Variants in PAAF1 observed in about 807,000 individuals in gnomAD.
PAAF1 encodes proteasomal ATPase-associated factor 1.
In PAAF1, 46 loss-of-function variants were observed where a neutral mutation model predicts 52.8. The ratio of observed to expected loss-of-function variants is 0.87; its 90% CI spans 0.69 to 1.11. PAAF1 has a LOEUF of 1.11. PAAF1 is among the 50% of genes most tolerant of loss of function. The pLI, the probability that PAAF1 is intolerant of heterozygous loss-of-function variation, is 0.00. For missense variants in PAAF1, 424 were observed against 477.4 expected (o/e 0.89, Z 1.04); for synonymous variants, 178 against 172.8 (o/e 1.03, Z -0.24).
At chr11:73,876,860 T>A, upstream of PAAF1, 1 of 698,432 alleles carries the variant, frequency 1.4e-6, no homozygotes. Flanking sequence ...AACCAGCCCC[T>A]CGTGGGGAGC....
intron 6 of PAAF1, among the ~76,000 whole-genome samples, chr11:73,901,677 A>G (rs1423682347): frequency 6.6e-6 from 1 of 151,334 alleles, no homozygotes; most frequent in East Asian, 1.9e-4. Flanking sequence ...ATCTCAGCTC[A>G]GTGTAACCTC....
intron 6 of PAAF1, among the ~76,000 whole-genome samples, chr11:73,908,287 A>G (rs182787431): frequency 4.6e-5 from 6 of 129,998 alleles, no homozygotes; most frequent in East Asian, 2.0e-4. Flanking sequence ...GTATATATGT[A>G]TATATATGTG....
intron 1 of PAAF1, among the ~76,000 whole-genome samples, chr11:73,877,613 C>T (rs1437566979): frequency 1.3e-5 from 2 of 152,180 alleles, no homozygotes; most frequent in Non-Finnish European, 2.9e-5. Context: ...AGGCCAGGCG[C>T]AGTGGCTCAT....
chr11:73,924,153 C>T (rs1292042203), intron 10 of PAAF1, among the ~76,000 whole-genome samples: 33 of 152,152 alleles, frequency 2.2e-4, no homozygotes, highest in Admixed American at 2.2e-3. Context: ...CACTATAGAT[C>T]ATCATAATTG....
intron 4 of PAAF1, among the ~76,000 whole-genome samples, chr11:73,891,946 T>C (rs1165597399): frequency 6.6e-6 from 1 of 152,194 alleles, no homozygotes; most frequent in African/African-American, 2.4e-5. Context: ...CATGGGCTTC[T>C]TGGAAGCAGA....
At chr11:73,909,328 G>A (rs1043928329) in intron 6 of PAAF1, 71 bp from the exon 7 acceptor site, 11 of 1,387,546 alleles carry the variant, frequency 7.9e-6, no homozygotes, top group Non-Finnish European at 1.1e-5. Flanking sequence ...CATTTATGCA[G>A]CTCCATCTTC....
chr11:73,897,187 A>AC (rs1413994168), intron 4 of PAAF1, among the ~76,000 whole-genome samples: 2 of 106,296 alleles, frequency 1.9e-5, no homozygotes, highest in East Asian at 3.1e-4. Context: ...CGGGGGGCTG[A>AC]CCCCCCCACC....
intron 10 of PAAF1, chr11:73,921,985 A>AT: frequency 2.4e-6 from 2 of 839,512 alleles, no homozygotes; most frequent in Non-Finnish European, 4.0e-6. Flanking sequence ...AGAGATACGT[A>AT]TATCAAGGTC....
At chr11:73,888,007 C>CA (rs1184195475) in intron 3 of PAAF1, among the ~76,000 whole-genome samples, 5 of 152,138 alleles carry the variant, frequency 3.3e-5, no homozygotes, top group African/African-American at 1.2e-4. Context: ...CTCGGCCTCC[C>CA]AAAGTGCTGA....
At chr11:73,877,351 T>C (rs912084176) in intron 1 of PAAF1, 28 of 307,532 alleles carry the variant, frequency 9.1e-5, no homozygotes, top group African/African-American at 6.0e-4. Flanking sequence ...GGAAGGCTTT[T>C]GGCCAAGCAG....
At chr11:73,897,735 A>C (rs1197473030) in intron 4 of PAAF1, among the ~76,000 whole-genome samples, 2 of 145,664 alleles carry the variant, frequency 1.4e-5, no homozygotes, top group South Asian at 2.2e-4. Flanking sequence ...ACATCCCAGA[A>C]GATGGGCGGC....
intron 10 of PAAF1, chr11:73,921,795 A>G: frequency 8.5e-7 from 1 of 1,179,762 alleles, no homozygotes; most frequent in South Asian, 1.2e-5. Flanking sequence ...GATGTTGTAA[A>G]TAGGCCCTCA....
At chr11:73,899,055 A>G in intron 4 of PAAF1, 91 bp from the exon 5 acceptor site, 1 of 1,001,228 alleles carries the variant, frequency 1.0e-6, no homozygotes, top group Non-Finnish European at 1.5e-6. Context: ...GAAGTCTTGG[A>G]AGAGTGAAAA....
intron 6 of PAAF1, among the ~76,000 whole-genome samples, chr11:73,908,440 C>T (rs1188777048): frequency 6.7e-6 from 1 of 149,266 alleles, no homozygotes; most frequent in Non-Finnish European, 1.5e-5. Context: ...GGTCTTGCTC[C>T]ACTGCCCAGG....
At chr11:73,911,302 C>T (rs1949921873) in intron 7 of PAAF1, among the ~76,000 whole-genome samples, 1 of 152,096 alleles carries the variant, frequency 6.6e-6, no homozygotes, top group Admixed American at 6.6e-5. Flanking sequence ...TGCCTCTCAC[C>T]CTCTCGAGTA....
At chr11:73,890,245 G>T (rs914227391) in intron 3 of PAAF1, among the ~76,000 whole-genome samples, 7 of 152,144 alleles carry the variant, frequency 4.6e-5, no homozygotes, top group African/African-American at 1.7e-4. Context: ...GTCCTTGAGG[G>T]AGGGTTTACC....
intron 4 of PAAF1, among the ~76,000 whole-genome samples, chr11:73,893,005 C>G (rs188426914): frequency 8.5e-5 from 13 of 152,280 alleles, no homozygotes; most frequent in Non-Finnish European, 1.5e-4. Context: ...TTATTCTATG[C>G]TGTCTTTCAA....
At chr11:73,876,889 G>A, upstream of PAAF1, 1 of 893,792 alleles carries the variant, frequency 1.1e-6, no homozygotes, top group Non-Finnish European at 1.6e-6. Flanking sequence ...GGAAGGGGCG[G>A]GGAATGTGAA....
chr11:73,886,327 A>G, intron 2 of PAAF1, among the ~76,000 whole-genome samples: 1 of 152,220 alleles, frequency 6.6e-6, no homozygotes, highest in East Asian at 1.9e-4. Context: ...AGCCCTCTCT[A>G]CAAATGCTGT....
Sources: gnomAD v4.1 joint callset for allele counts (sites outside exome capture counted in the v4.1 genomes callset) on GRCh38, gnomAD v4.1.1 for gene constraint, MANE v1.5 for transcripts, NCBI Gene and HGNC (gene_info 2026-07-23, HGNC 2026-07-21) for gene names.